NFIC: variants seen among roughly 807,000 people sequenced by gnomAD.
The protein encoded by NFIC is nuclear factor 1 C-type.
NFIC carries 12 observed loss-of-function variants against 54.4 expected under a neutral mutation model. The ratio of observed to expected loss-of-function variants is 0.22; its 90% CI spans 0.14 to 0.36. The LOEUF (loss-of-function observed/expected upper bound fraction) is 0.36. Ranked by LOEUF, NFIC falls within the 10% of genes least tolerant of loss-of-function variation. The pLI is 1.00. For synonymous variants in NFIC, 322 were observed against 319.2 expected (o/e 1.01, Z -0.09); for missense variants, 575 against 718.2 (o/e 0.80, Z 2.28).
chr19:3,377,252 T>G (rs2081123705), intron 1 of NFIC, among the ~76,000 whole-genome samples: 1 of 136,138 alleles, frequency 7.3e-6, no homozygotes, highest in Admixed American at 8.5e-5. Context: ...GAGAATGGCG[T>G]GAACCCGGGA....
chr19:3,366,538 G>GC, upstream of NFIC: 3 of 572,540 alleles, frequency 5.2e-6, no homozygotes, highest in African/African-American at 4.6e-5. Context: ...GCGGGGCGGG[G>GC]GGGGGGGTTG....
chr19:3,421,573 G>A (rs1172180762), intron 2 of NFIC, among the ~76,000 whole-genome samples: 1 of 152,218 alleles, frequency 6.6e-6, no homozygotes, highest in Non-Finnish European at 1.5e-5. Context: ...GGCTTCTCTC[G>A]TCTGCTCCTC....
Position 3,453,617 on chromosome 19 carries a change from C to G in NFIC, c.1270-146C>G. The G allele has an allele frequency of 8.5e-7, 1 of 1,176,884 alleles. No individual in the cohort carries two copies. The highest frequency in any genetic ancestry group is 1.7e-5 in the South Asian group (1 of 57,374). 72.9% of individuals were successfully genotyped at this position (1,176,884 alleles called of 1,614,324 possible). On this transcript the variant is annotated intron_variant, in intron 8 of 10. Transcript: ENST00000443272. This position sits in a 1 kb window ranked among gnomAD's most constrained non-coding sequence, Gnocchi z 6.7. Reference sequence around the variant, plus strand: ...CACCTCCGGCCGTCCTCAGACCCACCAAACCCGCCATGGTCACACCCGCGC... The same window carrying G: ...CACCTCCGGCCGTCCTCAGACCCACGAAACCCGCCATGGTCACACCCGCGC...
intron 6 of NFIC, among the ~76,000 whole-genome samples, chr19:3,445,184 C>T (rs1393415557): frequency 6.6e-6 from 1 of 152,184 alleles, no homozygotes; most frequent in East Asian, 1.9e-4. Context: ...TGCACGCACA[C>T]ACATGCATGT....
rs543271429 is a variant in NFIC at position 3,382,302 on chromosome 19, A to T, written c.562+59A>T. The T allele has an allele frequency of 3.2e-6, 5 of 1,565,026 alleles. No individual in the cohort carries two copies. The Admixed American group carries it at 8.6e-5, about 27-fold the overall frequency. On this transcript the variant is annotated intron_variant, in intron 2 of 10. Transcript: ENST00000443272. ...GGGGAGGGTGTCTGATGGTGGTGAC[A>T]CGGGGCCAGGAGGGCCTGAGGGAGG... is the stretch of plus-strand genomic sequence containing the variant.
chr19:3,456,717 T>C, intron 10 of NFIC, 82 bp downstream of exon 10: 1 of 1,277,998 alleles, frequency 7.8e-7, no homozygotes, highest in Non-Finnish European at 1.1e-6. Context: ...GAAGAGGGCC[T>C]GCTGGGTCCC....
In NFIC at chr19:3,453,894, A is replaced by G; in HGVS notation, c.1401A>G (p.Gly467=). The G allele has an allele frequency of 1.3e-6, 2 of 1,550,842 alleles. No individual in the cohort carries two copies. The highest frequency in any genetic ancestry group is 1.7e-6 in the Non-Finnish European group (2 of 1,149,536). ...AACCCGCCACCACCTCCGAGGGAGG[A>G]GCCACGTCGCCGACCTCGCCTTGTA... is the stretch of plus-strand genomic sequence containing the variant. The part of the protein sequence containing the change: ...ATKPATTSEG[G]ATSPTSPSYS... The change falls in exon 9 of 11, where the codon GGA becomes GGG. Residue 467 remains glycine, a synonymous_variant. Transcript: ENST00000443272. The surrounding 1 kb of genome is among the most constrained non-coding windows in gnomAD (Gnocchi z 6.7).
intron 2 of NFIC, among the ~76,000 whole-genome samples, chr19:3,407,359 C>T (rs1029109287): frequency 4.0e-5 from 6 of 151,890 alleles, no homozygotes; most frequent in Non-Finnish European, 5.9e-5. Flanking sequence ...GTGATCCACC[C>T]GCCTCGGCCT....
chr19:3,388,659 C>G (rs113852764), intron 2 of NFIC, among the ~76,000 whole-genome samples: 4,225 of 144,476 alleles, frequency 0.029, 175 homozygotes, highest in African/African-American at 0.11. Flanking sequence ...CATGCCCCCC[C>G]CCAACAAAAT....
At chr19:3,447,540 C>T (rs1239792599) in intron 6 of NFIC, among the ~76,000 whole-genome samples, 1 of 152,200 alleles carries the variant, frequency 6.6e-6, no homozygotes, top group Non-Finnish European at 1.5e-5. Context: ...GGGTGGCTGA[C>T]GTTCCCTCGG....
intron 7 of NFIC, among the ~76,000 whole-genome samples, chr19:3,450,980 A>AC (rs2082454251): frequency 6.6e-6 from 1 of 152,206 alleles, no homozygotes. Flanking sequence ...TACAGCAGAG[A>AC]CCACGTGGCC....
chr19:3,446,850 A>C (rs1174010566), intron 6 of NFIC, among the ~76,000 whole-genome samples: 1 of 147,166 alleles, frequency 6.8e-6, no homozygotes, highest in South Asian at 2.2e-4. Flanking sequence ...TGGGCAACAT[A>C]GCAAGACCCC....
intron 1 of NFIC, among the ~76,000 whole-genome samples, chr19:3,368,242 G>A (rs1391045035): frequency 6.6e-6 from 1 of 152,196 alleles, no homozygotes; most frequent in Non-Finnish European, 1.5e-5. Context: ...AGGGCTGAGC[G>A]GAGGGGAGGC....
chr19:3,426,928 T>G (rs2082036352), intron 3 of NFIC, among the ~76,000 whole-genome samples: 1 of 149,312 alleles, frequency 6.7e-6, no homozygotes, highest in Admixed American at 6.7e-5. Flanking sequence ...CCTCAATCTT[T>G]TTTTTTTTTT....
intron 6 of NFIC, among the ~76,000 whole-genome samples, chr19:3,442,823 C>T (rs1346321846): frequency 3.3e-5 from 5 of 152,242 alleles, no homozygotes; most frequent in African/African-American, 1.2e-4. Flanking sequence ...CATCAGGCCT[C>T]AGCCTCCACA....
At chr19:3,409,613 C>T (rs535271380) in intron 2 of NFIC, among the ~76,000 whole-genome samples, 16 of 151,288 alleles carry the variant, frequency 1.1e-4, no homozygotes, top group African/African-American at 2.9e-4. Flanking sequence ...AGCCAGCGGA[C>T]GCAGGGAGTT....
At chr19:3,409,329 A>G (rs1261570831) in intron 2 of NFIC, among the ~76,000 whole-genome samples, 1 of 152,080 alleles carries the variant, frequency 6.6e-6, no homozygotes, top group East Asian at 1.9e-4. Context: ...CTGGAGAGCC[A>G]CCGTCACATC....
intron 9 of NFIC, chr19:3,454,167 C>T: frequency 7.9e-7 from 1 of 1,266,264 alleles, no homozygotes; most frequent in Non-Finnish European, 9.9e-7. Context: ...GCCGAGTCAC[C>T]TGGGGGACCC....
intron 2 of NFIC, among the ~76,000 whole-genome samples, chr19:3,424,338 A>AT (rs907667445): frequency 1.5e-5 from 2 of 135,036 alleles, no homozygotes; most frequent in African/African-American, 2.8e-5. Flanking sequence ...GTTTTGTTTT[A>AT]TTTTTTTGTT....
Sources: allele counts gnomAD v4.1 joint callset (sites outside exome capture counted in the v4.1 genomes callset), GRCh38; gene constraint gnomAD v4.1.1; non-coding constraint Gnocchi (gnomAD v3.1); transcripts MANE v1.5; gene names NCBI Gene and HGNC (gene_info 2026-07-23, HGNC 2026-07-21).